The following SBF2 variants were observed in gnomAD, a reference collection of about 807,000 sequenced individuals.
SBF2 encodes SET binding factor 2, also known as myotubularin-related protein 13.
SBF2 carries 112 observed loss-of-function variants against 225.2 expected under a neutral mutation model. The ratio of observed to expected loss-of-function variants is 0.50; its 90% CI spans 0.43 to 0.58. The LOEUF is 0.58. Ranked by LOEUF, SBF2 falls within the 20% of genes least tolerant of loss-of-function variation. The probability of loss-of-function intolerance (pLI) is 0.00; values close to 1 mark genes in which losing one functional copy is unlikely to be tolerated. For missense variants in SBF2, 1,996 were observed against 2,206.2 expected, an observed-to-expected ratio of 0.90 and a Z score of 1.91; for synonymous variants, 763 against 773.3, an observed-to-expected ratio of 0.99 and a Z score of 0.22.
chr11:10,132,036 G>A (rs564552241), intron 2 of SBF2, among the ~76,000 whole-genome samples: 29 of 152,276 alleles, frequency 1.9e-4, no homozygotes, highest in Non-Finnish European at 3.8e-4. Context: ...ACCACTGTGA[G>A]TCTTAGGTCA....
At chr11:9,983,019 G>A (rs112293423) in intron 13 of SBF2, among the ~76,000 whole-genome samples, 6,386 of 152,248 alleles carry the variant, frequency 0.042, 187 homozygotes, top group Middle Eastern at 0.15. Context: ...ACTCCACAGG[G>A]AGAAGGAATT....
chr11:10,071,418 A>C (rs576707416), intron 2 of SBF2, among the ~76,000 whole-genome samples: 22 of 151,912 alleles, frequency 1.4e-4, no homozygotes, highest in African/African-American at 5.1e-4. Flanking sequence ...AAGCGCCCGC[A>C]ACCACGCCTG....
intron 1 of SBF2, among the ~76,000 whole-genome samples, chr11:10,262,191 G>A (rs941532930): frequency 4.6e-5 from 7 of 152,028 alleles, no homozygotes; most frequent in Non-Finnish European, 1.0e-4. Context: ...AATTTACTGT[G>A]AAATACATCC....
chr11:10,065,311 T>TAGAA (rs1409207993), intron 2 of SBF2, among the ~76,000 whole-genome samples: 1 of 152,268 alleles, frequency 6.6e-6, no homozygotes, highest in Middle Eastern at 3.4e-3. Context: ...TAAAATGTTA[T>TAGAA]AGAAAGCTTC....
At chr11:9,871,809 G>A (rs190886360) in intron 17 of SBF2, among the ~76,000 whole-genome samples, 1 of 152,142 alleles carries the variant, frequency 6.6e-6, no homozygotes, top group Non-Finnish European at 1.5e-5. Flanking sequence ...AATTATTAAA[G>A]TAAAAAAACA....
intron 16 of SBF2, chr11:9,928,891 C>T: frequency 2.7e-6 from 1 of 365,318 alleles, no homozygotes; most frequent in Non-Finnish European, 5.3e-6. Flanking sequence ...ATGTTTTAGA[C>T]TATGAAAATG....
chr11:10,127,367 A>G (rs1325545699), intron 2 of SBF2, among the ~76,000 whole-genome samples: 1 of 152,144 alleles, frequency 6.6e-6, no homozygotes, highest in African/African-American at 2.4e-5. Flanking sequence ...TGAATGGGCA[A>G]AACTGTTTCC....
chr11:9,878,674 T>C (rs1859491844), intron 17 of SBF2, among the ~76,000 whole-genome samples: 1 of 152,210 alleles, frequency 6.6e-6, no homozygotes, highest in Admixed American at 6.5e-5. Flanking sequence ...ACACAATGCT[T>C]GTTAAATTCC....
intron 2 of SBF2, among the ~76,000 whole-genome samples, chr11:10,049,394 G>A (rs1412310782): frequency 1.3e-5 from 2 of 152,098 alleles, no homozygotes; most frequent in Non-Finnish European, 2.9e-5. Context: ...ATCACTTGAG[G>A]TCAGAAGTTT....
chr11:10,035,092 G>C (rs1949385612), intron 3 of SBF2, among the ~76,000 whole-genome samples: 1 of 152,142 alleles, frequency 6.6e-6, no homozygotes, highest in Non-Finnish European at 1.5e-5. Flanking sequence ...AGCCTCCTGA[G>C]AGGCTGGGAC....
chr11:10,192,315 C>T (rs928122856), intron 2 of SBF2, among the ~76,000 whole-genome samples: 17 of 152,186 alleles, frequency 1.1e-4, no homozygotes, highest in African/African-American at 3.6e-4. Context: ...ACAGAACCCT[C>T]AGCTTTCTTT....
intron 33 of SBF2, among the ~76,000 whole-genome samples, chr11:9,794,238 AC>A (rs1852946592): frequency 1.3e-5 from 2 of 151,996 alleles, no homozygotes; most frequent in South Asian, 2.1e-4. Flanking sequence ...AAACAAAAAA[AC>A]AAACCAAAAA....
intron 1 of SBF2, among the ~76,000 whole-genome samples, chr11:10,214,439 C>T (rs1020917234): frequency 5.9e-5 from 9 of 152,056 alleles, no homozygotes; most frequent in Admixed American, 1.3e-4. Context: ...CTGGCTAACA[C>T]GGTGAAACCC....
chr11:9,821,092 G>A (rs957553278), intron 28 of SBF2, among the ~76,000 whole-genome samples: 5 of 152,082 alleles, frequency 3.3e-5, no homozygotes, highest in African/African-American at 9.7e-5. Flanking sequence ...TCTCCAGGGC[G>A]AGTCCTTAAC....
intron 2 of SBF2, among the ~76,000 whole-genome samples, chr11:10,088,370 C>G (rs916121903): frequency 1.3e-5 from 2 of 152,054 alleles, no homozygotes; most frequent in Admixed American, 1.3e-4. Context: ...TGTGGCCATT[C>G]CACAGAAAAG....
chr11:9,989,422 C>T (rs527525546), intron 13 of SBF2, 75 bp downstream of exon 13: 23 of 950,420 alleles, frequency 2.4e-5, no homozygotes, highest in South Asian at 9.0e-5. Context: ...ACGTAACACC[C>T]GTACCCCAAT....
At chr11:9,869,481 G>A (rs1205221591) in intron 17 of SBF2, among the ~76,000 whole-genome samples, 1 of 152,036 alleles carries the variant, frequency 6.6e-6, no homozygotes, top group Non-Finnish European at 1.5e-5. Flanking sequence ...ACCATGCCTG[G>A]CTAATTTTTG....
chr11:10,013,192 A>G (rs1227496212), intron 6 of SBF2, among the ~76,000 whole-genome samples: 1 of 152,172 alleles, frequency 6.6e-6, no homozygotes, highest in African/African-American at 2.4e-5. Context: ...AGCCCCAACT[A>G]TGACTGTAAT....
At chr11:9,942,861 A>G (rs1213791178) in intron 16 of SBF2, among the ~76,000 whole-genome samples, 2 of 140,572 alleles carry the variant, frequency 1.4e-5, no homozygotes, top group African/African-American at 5.2e-5. Flanking sequence ...GAAAGAAAGG[A>G]AGAAAGGAAG....
Sources: allele counts gnomAD v4.1 joint callset (sites outside exome capture counted in the v4.1 genomes callset), GRCh38; gene constraint gnomAD v4.1.1; transcripts MANE v1.5; gene names NCBI Gene and HGNC (gene_info 2026-07-23, HGNC 2026-07-21).